The following LAMA2 variants were observed in gnomAD, a reference collection of about 807,000 sequenced individuals.
LAMA2 encodes laminin subunit alpha-2.
In LAMA2, 269 loss-of-function variants were observed where a neutral mutation model predicts 364.8. The observed-to-expected ratio is 0.74, with a 90% CI of 0.67 to 0.82. The LOEUF (loss-of-function observed/expected upper bound fraction) is 0.82, where lower values mean the gene tolerates loss of function less well. Ranked by LOEUF, LAMA2 falls within the 40% of genes least tolerant of loss-of-function variation. The probability of loss-of-function intolerance (pLI) is 0.00; values close to 1 mark genes in which losing one functional copy is unlikely to be tolerated. For synonymous variants in LAMA2, 1,379 were observed against 1,370.6 expected, an observed-to-expected ratio of 1.01 and a Z score of -0.14; for missense variants, 3,807 against 3,873.2, an observed-to-expected ratio of 0.98 and a Z score of 0.45.
At chr6:129,319,907 C>A (rs916958894) in intron 27 of LAMA2, among the ~76,000 whole-genome samples, 3 of 152,078 alleles carry the variant, frequency 2.0e-5, no homozygotes, top group Non-Finnish European at 4.4e-5. Context: ...CCAAAGCAGG[C>A]AGATCACTTG....
intron 40 of LAMA2, among the ~76,000 whole-genome samples, chr6:129,419,104 A>T (rs1481891672): frequency 6.6e-6 from 1 of 151,158 alleles, no homozygotes; most frequent in Non-Finnish European, 1.5e-5. Flanking sequence ...TAATTTTTTT[A>T]AAAGTCTATT....
chr6:129,231,765 C>T (rs1248531293), intron 12 of LAMA2, among the ~76,000 whole-genome samples: 1 of 151,978 alleles, frequency 6.6e-6, no homozygotes, highest in Non-Finnish European at 1.5e-5. Context: ...TAAAAACCAA[C>T]TAAGTTTTTT....
chr6:128,953,334 C>G (rs1392838303), intron 1 of LAMA2, among the ~76,000 whole-genome samples: 1 of 152,112 alleles, frequency 6.6e-6, no homozygotes, highest in South Asian at 2.1e-4. Flanking sequence ...AAAAGGCCCT[C>G]TAACATTTTC....
At chr6:128,978,606 A>G (rs867573985) in intron 1 of LAMA2, among the ~76,000 whole-genome samples, 1 of 151,952 alleles carries the variant, frequency 6.6e-6, no homozygotes, top group African/African-American at 2.4e-5. Flanking sequence ...GTGAGCCACC[A>G]TGCCCGGTCA....
rs1285519693 is a variant in LAMA2, at chr6:129,514,602, G to A, written c.9211+7G>A. The stretch of plus-strand genomic sequence containing the variant: ...TTTGTTGGAGGCTTCCCAGGTGAGT[G>A]TTGGCTACCCCAGCAACAATTTCTT... On this transcript the variant is annotated splice_region_variant and intron_variant, in intron 64 of 64. Coordinates refer to ENST00000421865, the MANE Select transcript of LAMA2 (RefSeq NM_000426.4). 6.2e-7 allele frequency: 1 copy of A among 1,604,688 alleles called. No homozygotes were observed. Among genetic ancestry groups the A allele is most frequent in the East Asian group, 2.2e-5 (1 of 44,794 alleles).
intron 17 of LAMA2, among the ~76,000 whole-genome samples, chr6:129,272,621 A>G (rs1006905901): frequency 6.6e-6 from 1 of 152,208 alleles, no homozygotes; most frequent in Non-Finnish European, 1.5e-5. Context: ...AATTCATTGG[A>G]TAAGTCAATT....
At chr6:129,221,469 CAT>C (rs1783851732) in intron 12 of LAMA2, among the ~76,000 whole-genome samples, 1 of 148,244 alleles carries the variant, frequency 6.7e-6, no homozygotes, top group South Asian at 2.1e-4. Context: ...CAGCTAAAAA[CAT>C]ATGGAAGGAT....
chr6:129,362,407 T>TCCCTCTTC (rs1231319926), intron 32 of LAMA2, among the ~76,000 whole-genome samples: 2 of 152,074 alleles, frequency 1.3e-5, no homozygotes, highest in East Asian at 1.9e-4. Context: ...CCCAACCTCT[T>TCCCTCTTC]CCCTCTTCCC....
At chr6:129,290,956 T>C (rs1789654049) in intron 19 of LAMA2, among the ~76,000 whole-genome samples, 1 of 152,216 alleles carries the variant, frequency 6.6e-6, no homozygotes, top group Non-Finnish European at 1.5e-5. Flanking sequence ...TCTTTTAAAC[T>C]TCTGAATCTT....
intron 1 of LAMA2, among the ~76,000 whole-genome samples, chr6:128,896,954 A>C (rs906178617): frequency 2.6e-5 from 4 of 152,258 alleles, no homozygotes; most frequent in African/African-American, 9.6e-5. Context: ...ACTATGGGCC[A>C]GCACTGCTGT....
intron 7 of LAMA2, among the ~76,000 whole-genome samples, chr6:129,151,220 G>A (rs367859894): frequency 1.1e-4 from 16 of 152,230 alleles, no homozygotes; most frequent in African/African-American, 2.6e-4. Context: ...GTGATGGACC[G>A]TTTATTTGGC....
chr6:129,179,170 G>A (rs1780786281), intron 10 of LAMA2, among the ~76,000 whole-genome samples: 1 of 151,818 alleles, frequency 6.6e-6, no homozygotes. Context: ...TGTCTCTGTG[G>A]GCAATCCTGC....
intron 1 of LAMA2, among the ~76,000 whole-genome samples, chr6:128,890,026 G>C (rs925644979): frequency 6.6e-6 from 1 of 152,068 alleles, no homozygotes; most frequent in East Asian, 1.9e-4. Context: ...AAAACCTCAG[G>C]AGCTATTTAG....
At chr6:129,477,593 T>A (rs1471578484) in intron 53 of LAMA2, among the ~76,000 whole-genome samples, 1 of 152,168 alleles carries the variant, frequency 6.6e-6, no homozygotes, top group East Asian at 1.9e-4. Flanking sequence ...CTGGCACACT[T>A]GCCCCATTTT....
In LAMA2 at chr6:129,178,001, A is replaced by C. The variant is rs1483035089; in HGVS notation, c.1467+135A>C. On this transcript the variant is annotated intron_variant, in intron 10 of 64. Coordinates refer to ENST00000421865, the MANE Select transcript of LAMA2 (RefSeq NM_000426.4). ...TCCATAATCTATTCTACGTGTGGTG[A>C]CCCACCAGGTTCACTGTAGCAGGAT... 6.6e-6 allele frequency: 6 copies of C among 911,574 alleles called. No homozygotes were observed. The East Asian group carries it at 1.3e-4, about 20-fold the overall frequency. The allele number at this position is 911,574 out of a possible 1,614,324, so 56.5% of individuals were successfully genotyped here. A position where few individuals can be genotyped will look rare whatever the true frequency, so the allele number is the denominator to read the frequency against.
At chr6:129,105,858 TTTCTGTTG>T (rs1775791052) in intron 4 of LAMA2, among the ~76,000 whole-genome samples, 1 of 152,162 alleles carries the variant, frequency 6.6e-6, no homozygotes, top group Admixed American at 6.6e-5. Flanking sequence ...TTATAATATT[TTTCTGTTG>T]TATGAGACTT....
At chr6:129,132,323 C>T (rs978523619) in intron 4 of LAMA2, among the ~76,000 whole-genome samples, 4 of 152,078 alleles carry the variant, frequency 2.6e-5, no homozygotes, top group Admixed American at 6.5e-5. Context: ...CCCGCCACCA[C>T]GCCTGGCTAA....
At chr6:129,329,736 G>A (rs906902245) in intron 29 of LAMA2, among the ~76,000 whole-genome samples, 2 of 152,018 alleles carry the variant, frequency 1.3e-5, no homozygotes, top group Non-Finnish European at 1.5e-5. Flanking sequence ...CCTGCTCCTC[G>A]CTGCCAGTTT....
chr6:129,406,665 C>G (rs954878736), intron 40 of LAMA2, among the ~76,000 whole-genome samples: 4 of 152,092 alleles, frequency 2.6e-5, no homozygotes, highest in Admixed American at 6.6e-5. Context: ...AAAACATTTC[C>G]AGGTCATAGT....
Sources: gnomAD v4.1 joint callset for allele counts (sites outside exome capture counted in the v4.1 genomes callset) on GRCh38, gnomAD v4.1.1 for gene constraint, MANE v1.5 for transcripts, NCBI Gene and HGNC (gene_info 2026-07-23, HGNC 2026-07-21) for gene names.